Variants in PAICS observed in about 807,000 individuals in gnomAD.
PAICS encodes the protein bifunctional phosphoribosylaminoimidazole carboxylase/phosphoribosylaminoimidazole succinocarboxamide synthetase.
A neutral mutation model predicts 53.7 loss-of-function variants in PAICS; 33 were observed. That is an observed-to-expected ratio of 0.61 (90% CI 0.47 to 0.82). PAICS has a LOEUF of 0.82. PAICS is among the 40% of genes least tolerant of loss of function. PAICS has a pLI of 0.00. For synonymous variants in PAICS, 141 were observed against 167.2 expected (o/e 0.84, Z 1.21); for missense variants, 394 against 494.1 (o/e 0.80, Z 1.92).
upstream of PAICS, chr4:56,436,108 G>A (rs531711976): frequency 4.5e-4 from 661 of 1,479,788 alleles, 1 homozygote; most frequent in Middle Eastern, 3.2e-3. Flanking sequence ...GAAGCCAGTG[G>A]GGCGTTGTTT....
At chr4:56,440,294 CT>C (rs1276584108) in intron 1 of PAICS, among the ~76,000 whole-genome samples, 4 of 152,148 alleles carry the variant, frequency 2.6e-5, no homozygotes. Context: ...CTTAAAGGGA[CT>C]TTTAAACCAT....
At chr4:56,416,961 T>C in the PAICS span, among the ~76,000 whole-genome samples, 1 of 152,210 alleles carries the variant, frequency 6.6e-6, no homozygotes, top group African/African-American at 2.4e-5. Flanking sequence ...GCAATTCTCC[T>C]GCCTCAGCCT....
intron 8 of PAICS, among the ~76,000 whole-genome samples, chr4:56,455,624 G>A (rs1277716394): frequency 6.6e-6 from 1 of 152,178 alleles, no homozygotes; most frequent in Non-Finnish European, 1.5e-5. Context: ...TCTAAAATGT[G>A]TATATTGAAG....
At chr4:56,410,689 G>C in the PAICS span, 24 of 986,348 alleles carry the variant, frequency 2.4e-5, no homozygotes, top group Non-Finnish European at 2.8e-5. Flanking sequence ...ACTGGAAACA[G>C]TGCTGGGCTA....
the PAICS span, among the ~76,000 whole-genome samples, chr4:56,427,506 T>C: frequency 6.6e-6 from 1 of 152,082 alleles, no homozygotes; most frequent in African/African-American, 2.4e-5. Context: ...TTTAAACACA[T>C]TTTCAAATTT....
At position 56,451,855 on chromosome 4, in the gene PAICS, A is replaced by C; in HGVS notation, c.772-17A>C. 4 of 1,500,882 alleles carry C rather than the reference A, an allele frequency of 2.7e-6. No individual in the cohort carries two copies. Among genetic ancestry groups the C allele is most frequent in the Middle Eastern group, 2.5e-4 (1 of 4,060 alleles). The allele number at this position is 1,500,882 out of a possible 1,614,324, so 93.0% of individuals were successfully genotyped here. ...TTGTTTTTATGTTCTTTTCATATCC[A>C]CGTATTTTTTCTTCAGTTGCTTTTG... On this transcript the variant is annotated splice_polypyrimidine_tract_variant and intron_variant, in intron 6 of 8. Transcript: ENST00000512576.
chr4:56,446,905 A>G (rs1178365565), intron 3 of PAICS, 32 bp downstream of exon 3: 2 of 1,293,776 alleles, frequency 1.5e-6, no homozygotes, highest in Admixed American at 4.7e-5. Context: ...TTTATGTCTT[A>G]CTGTAACACG....
the PAICS span, among the ~76,000 whole-genome samples, chr4:56,417,673 C>A: frequency 1.3e-5 from 2 of 152,010 alleles, no homozygotes; most frequent in African/African-American, 2.4e-5. Flanking sequence ...GTAGTCCCAG[C>A]TACTTGTGAG....
At chr4:56,420,982 T>G in the PAICS span, 3 of 152,218 alleles carry the variant, frequency 2.0e-5, no homozygotes, top group African/African-American at 7.2e-5. Flanking sequence ...ACCTGGACCC[T>G]TACTGGTCCG....
chr4:56,417,762 T>C, the PAICS span, among the ~76,000 whole-genome samples: 34 of 151,964 alleles, frequency 2.2e-4, no homozygotes, highest in African/African-American at 7.7e-4. Context: ...CTCCAGCCTG[T>C]GCAACAGAGT....
chr4:56,432,828 A>C (rs1475199025), upstream of PAICS, among the ~76,000 whole-genome samples: 1 of 151,432 alleles, frequency 6.6e-6, no homozygotes, highest in Non-Finnish European at 1.5e-5. Flanking sequence ...TATAAGAAAT[A>C]AATTCCTTCA....
the PAICS span, among the ~76,000 whole-genome samples, chr4:56,411,830 A>T: frequency 2.0e-5 from 3 of 152,226 alleles, no homozygotes. Flanking sequence ...TGGGGTTAAG[A>T]GGACAAAGAT....
In PAICS at chr4:56,450,599, C is replaced by CT; in HGVS notation, c.688-17dup. The CT allele has an allele frequency of 7.6e-7, 1 of 1,320,154 alleles. No individual in the cohort carries two copies. Among genetic ancestry groups the CT allele is most frequent in the Non-Finnish European group, 1.1e-6 (1 of 938,974 alleles). 81.8% of individuals were successfully genotyped at this position (1,320,154 alleles called of 1,614,324 possible). A position where few individuals can be genotyped will look rare whatever the true frequency, so the allele number is the denominator to read the frequency against. On this transcript the variant is annotated intron_variant, in intron 5 of 8. Coordinates refer to ENST00000512576, the MANE Select transcript of PAICS (RefSeq NM_001079524.2). ...TAGCAAGAGATACTTGTTTTCTAAACTTTCTATCTTATTTTCTAGTCTTAT... is the reference window on the plus strand; with the variant it reads ...TAGCAAGAGATACTTGTTTTCTAAACTTTTCTATCTTATTTTCTAGTCTTAT...
At chr4:56,435,101 G>A (rs1012242623), upstream of PAICS, among the ~76,000 whole-genome samples, 1 of 152,206 alleles carries the variant, frequency 6.6e-6, no homozygotes, top group Non-Finnish European at 1.5e-5. Context: ...ACACCGGGGG[G>A]CGGGGAGGGA....
chr4:56,426,756 A>G, the PAICS span, among the ~76,000 whole-genome samples: 1 of 152,114 alleles, frequency 6.6e-6, no homozygotes, highest in Admixed American at 6.6e-5. Flanking sequence ...TTTTTTTCCC[A>G]TTTTGGTAAA....
the PAICS span, chr4:56,428,976 T>A: frequency 1.0e-6 from 1 of 980,370 alleles, no homozygotes; most frequent in Non-Finnish European, 1.2e-6. Context: ...CAAGGAACTT[T>A]GAGCTTCAAG....
the PAICS span, chr4:56,410,734 T>G: frequency 4.1e-6 from 4 of 986,830 alleles, no homozygotes; most frequent in Non-Finnish European, 4.8e-6. Context: ...ATAGAACAGT[T>G]AAATATGCCC....
intron 1 of PAICS, among the ~76,000 whole-genome samples, chr4:56,439,670 A>G (rs1235831123): frequency 6.7e-6 from 1 of 150,124 alleles, no homozygotes; most frequent in Non-Finnish European, 1.5e-5. Flanking sequence ...CTTTTTTTTT[A>G]TTGAGACAGG....
chr4:56,456,604 T>A (rs1165039467), intron 8 of PAICS, among the ~76,000 whole-genome samples: 1 of 151,952 alleles, frequency 6.6e-6, no homozygotes, highest in East Asian at 1.9e-4. Context: ...AGATGGGCAC[T>A]CCGTATGTTG....
Sources: gnomAD v4.1 joint callset for allele counts (sites outside exome capture counted in the v4.1 genomes callset) on GRCh38, gnomAD v4.1.1 for gene constraint, MANE v1.5 for transcripts, NCBI Gene and HGNC (gene_info 2026-07-23, HGNC 2026-07-21) for gene names.